The following GRID2 variants were observed in gnomAD, a reference collection of about 807,000 sequenced individuals.
GRID2 encodes the protein glutamate receptor ionotropic, delta-2.
A neutral mutation model predicts 114.8 loss-of-function variants in GRID2; 33 were observed. The ratio of observed to expected loss-of-function variants is 0.29; its 90% confidence interval spans 0.22 to 0.38. The LOEUF (loss-of-function observed/expected upper bound fraction) is 0.38, where lower values mean the gene tolerates loss of function less well. GRID2 is among the 10% of genes least tolerant of loss of function. GRID2 has a pLI of 1.00. For missense variants in GRID2, 1,184 were observed against 1,257.7 expected (o/e 0.94, Z 0.89); for synonymous variants, 505 against 449.9 (o/e 1.12, Z -1.55).
chr4:92,603,212 A>T (rs1016247168), intron 2 of GRID2, among the ~76,000 whole-genome samples: 1 of 152,220 alleles, frequency 6.6e-6, no homozygotes, highest in Non-Finnish European at 1.5e-5. Flanking sequence ...TAAAATTCAT[A>T]TGGAACCAAA....
At chr4:92,662,984 C>A (rs1298768930) in intron 2 of GRID2, among the ~76,000 whole-genome samples, 1 of 150,052 alleles carries the variant, frequency 6.7e-6, no homozygotes, top group East Asian at 1.9e-4. Context: ...GAGAATGATA[C>A]TGTGCTTTTG....
At chr4:92,609,045 G>A (rs549537122) in intron 2 of GRID2, among the ~76,000 whole-genome samples, 1 of 151,864 alleles carries the variant, frequency 6.6e-6, no homozygotes, top group Non-Finnish European at 1.5e-5. Flanking sequence ...ACAAAGTACA[G>A]TAAGTTATAA....
At position 93,510,029 on chromosome 4, in the gene GRID2, G is replaced by C. The variant is rs113388854; in HGVS notation, c.1998-5187G>C. On this transcript the variant is annotated intron_variant, in intron 12 of 15. Transcript: ENST00000282020. ...AAGGAGAAAACTGAGAAGAGAATAG[G>C]GGGGAACCTAAACTGAGTTGGAGGA... 7.3e-3 allele frequency among the ~76,000 whole-genome samples: 1,111 copies of C among 152,238 alleles called. 8 individuals are homozygous for C. Among genetic ancestry groups the C allele is most frequent in the Non-Finnish European group, 0.013 (886 of 68,008 alleles).
chr4:93,319,942 C>A (rs1757042911), intron 8 of GRID2, among the ~76,000 whole-genome samples: 1 of 152,042 alleles, frequency 6.6e-6, no homozygotes, highest in South Asian at 2.1e-4. Context: ...ATCCAGGCTG[C>A]CCAGACTTTT....
chr4:93,471,254 A>C (rs1037234384), intron 11 of GRID2, among the ~76,000 whole-genome samples: 32 of 152,158 alleles, frequency 2.1e-4, no homozygotes, highest in African/African-American at 7.7e-4. Context: ...TTTCCTCTGA[A>C]AGTAACTGAG....
intron 1 of GRID2, among the ~76,000 whole-genome samples, chr4:92,578,092 CTT>C (rs1405327718): frequency 1.7e-4 from 9 of 53,190 alleles, no homozygotes; most frequent in Admixed American, 5.7e-4. Flanking sequence ...TCTTCTTCTT[CTT>C]CTTCTTCTTC....
chr4:92,895,913 A>G (rs1228989743), intron 2 of GRID2, among the ~76,000 whole-genome samples: 1 of 152,174 alleles, frequency 6.6e-6, no homozygotes, highest in Non-Finnish European at 1.5e-5. Flanking sequence ...TGGATTTTTT[A>G]TGAATTCAAA....
intron 8 of GRID2, among the ~76,000 whole-genome samples, chr4:93,361,426 T>C (rs1161330403): frequency 1.3e-5 from 2 of 151,740 alleles, no homozygotes; most frequent in Non-Finnish European, 1.5e-5. Context: ...GTATGAAGTC[T>C]ACAAATGAGC....
intron 2 of GRID2, among the ~76,000 whole-genome samples, chr4:92,789,553 T>C (rs1578193773): frequency 6.6e-6 from 1 of 151,934 alleles, no homozygotes; most frequent in Non-Finnish European, 1.5e-5. Flanking sequence ...CTTTCGGATC[T>C]ATTGTACTGT....
chr4:93,078,881 G>T, intron 2 of GRID2, among the ~76,000 whole-genome samples: 1 of 142,326 alleles, frequency 7.0e-6, no homozygotes, highest in African/African-American at 2.6e-5. Flanking sequence ...ATTGTATTTT[G>T]TATATTTACT....
At chr4:92,916,822 CTG>C (rs1022419876) in intron 2 of GRID2, among the ~76,000 whole-genome samples, 27 of 151,748 alleles carry the variant, frequency 1.8e-4, no homozygotes, top group African/African-American at 5.8e-4. Flanking sequence ...ATAAACATAG[CTG>C]TGTGTGTGTG....
intron 1 of GRID2, among the ~76,000 whole-genome samples, chr4:92,467,710 C>G (rs762168255): frequency 9.5e-4 from 144 of 151,814 alleles, no homozygotes; most frequent in Non-Finnish European, 1.7e-3. Context: ...GGTGCTGTAA[C>G]TTGAACGAAC....
At chr4:93,425,844 G>A (rs767897871) in intron 10 of GRID2, among the ~76,000 whole-genome samples, 7 of 152,122 alleles carry the variant, frequency 4.6e-5, no homozygotes, top group Non-Finnish European at 7.4e-5. Flanking sequence ...TAATAAAGGA[G>A]GGCTCTACCC....
intron 4 of GRID2, among the ~76,000 whole-genome samples, chr4:93,130,551 A>T (rs1734708937): frequency 6.6e-6 from 1 of 152,176 alleles, no homozygotes; most frequent in African/African-American, 2.4e-5. Flanking sequence ...TAAGGAAAAA[A>T]AAGAAAAGTG....
intron 2 of GRID2, among the ~76,000 whole-genome samples, chr4:92,645,976 T>C (rs571464049): frequency 6.6e-6 from 1 of 151,904 alleles, no homozygotes; most frequent in East Asian, 1.9e-4. Context: ...CAGTCAAATG[T>C]CCTAGGAGTA....
chr4:93,071,275 A>G (rs1433412623), intron 2 of GRID2, among the ~76,000 whole-genome samples: 1 of 152,064 alleles, frequency 6.6e-6, no homozygotes, highest in East Asian at 1.9e-4. Context: ...ACTTTACACC[A>G]TGTCTGCCCT....
At chr4:92,496,348 G>GAAAAC (rs749018830) in intron 1 of GRID2, among the ~76,000 whole-genome samples, 20 of 151,646 alleles carry the variant, frequency 1.3e-4, no homozygotes, top group African/African-American at 2.2e-4. Flanking sequence ...ACTGGAATCT[G>GAAAAC]AAAACAAAAC....
At chr4:93,459,008 C>T (rs1271266418) in intron 11 of GRID2, among the ~76,000 whole-genome samples, 1 of 151,490 alleles carries the variant, frequency 6.6e-6, no homozygotes, top group Non-Finnish European at 1.5e-5. Flanking sequence ...GGTGAAACAC[C>T]ATCTCTGCTA....
intron 2 of GRID2, among the ~76,000 whole-genome samples, chr4:93,038,614 C>A (rs1171515426): frequency 6.6e-6 from 1 of 151,946 alleles, no homozygotes; most frequent in Non-Finnish European, 1.5e-5. Context: ...CATGGTGAAA[C>A]CCTGTCTCTA....
Sources: allele counts gnomAD v4.1 joint callset (sites outside exome capture counted in the v4.1 genomes callset), GRCh38; gene constraint gnomAD v4.1.1; transcripts MANE v1.5; gene names NCBI Gene and HGNC (gene_info 2026-07-23, HGNC 2026-07-21).